LRRTM4: variants seen among roughly 807,000 people sequenced by gnomAD.
LRRTM4 encodes the protein leucine rich repeat transmembrane neuronal 4.
LRRTM4 carries 25 observed loss-of-function variants against 47.6 expected under a neutral mutation model. The ratio of observed to expected loss-of-function variants is 0.53; its 90% CI spans 0.38 to 0.73. The LOEUF (loss-of-function observed/expected upper bound fraction) is 0.73. Ranked by LOEUF, LRRTM4 falls within the 30% of genes least tolerant of loss-of-function variation. LRRTM4 has a pLI of 0.00. For missense variants in LRRTM4, 638 were observed against 713.4 expected, an observed-to-expected ratio of 0.89 and a Z score of 1.20; for synonymous variants, 311 against 269.5, an observed-to-expected ratio of 1.15 and a Z score of -1.51.
At chr2:77,206,127 G>C (rs1674118077) in intron 3 of LRRTM4, among the ~76,000 whole-genome samples, 1 of 150,936 alleles carries the variant, frequency 6.6e-6, no homozygotes, top group Non-Finnish European at 1.5e-5. Context: ...ACAGGCATGA[G>C]CCACCATGCC....
intron 3 of LRRTM4, among the ~76,000 whole-genome samples, chr2:76,845,169 C>T (rs1344614596): frequency 1.3e-5 from 2 of 152,078 alleles, no homozygotes; most frequent in Non-Finnish European, 2.9e-5. Context: ...GCATATGACA[C>T]AACTGCAAAA....
chr2:77,517,623 A>T (rs1558780001), intron 3 of LRRTM4: 10 of 984,672 alleles, frequency 1.0e-5, no homozygotes, highest in African/African-American at 1.7e-5. Context: ...TAAAAAACAA[A>T]CAAACAAACA....
intron 3 of LRRTM4, among the ~76,000 whole-genome samples, chr2:76,807,932 CCTTTCTTT>C (rs113802010): frequency 2.2e-4 from 27 of 123,082 alleles, no homozygotes; most frequent in Non-Finnish European, 3.1e-4. Flanking sequence ...TCTTTCCTTT[CCTTTCTTT>C]CTTTCTTTCT....
intron 3 of LRRTM4, among the ~76,000 whole-genome samples, chr2:77,034,435 A>T (rs1403874757): frequency 6.6e-6 from 1 of 151,944 alleles, no homozygotes. Flanking sequence ...ATTCCTAGAC[A>T]TAAATAGTTT....
intron 3 of LRRTM4, among the ~76,000 whole-genome samples, chr2:76,891,153 CA>C (rs1340729344): frequency 9.2e-5 from 14 of 151,690 alleles, no homozygotes; most frequent in African/African-American, 3.1e-4. Flanking sequence ...AAACGCAAAG[CA>C]AAAAGACACA....
chr2:77,284,969 T>C (rs1385944710), intron 3 of LRRTM4, among the ~76,000 whole-genome samples: 2 of 152,042 alleles, frequency 1.3e-5, no homozygotes, highest in African/African-American at 4.8e-5. Flanking sequence ...AGGTGAACCT[T>C]AAGTAGTTTA....
intron 3 of LRRTM4, among the ~76,000 whole-genome samples, chr2:77,421,628 AC>A (rs1387164001): frequency 6.6e-6 from 1 of 151,680 alleles, no homozygotes; most frequent in Non-Finnish European, 1.5e-5. Context: ...AATGGCGTGA[AC>A]CCGGGAGGCG....
intron 3 of LRRTM4, among the ~76,000 whole-genome samples, chr2:77,195,291 AATT>A (rs1673778898): frequency 6.6e-6 from 1 of 151,876 alleles, no homozygotes; most frequent in South Asian, 2.1e-4. Context: ...ATTCTTAATA[AATT>A]ATTAACATTA....
chr2:76,775,752 T>G (rs1673946178), intron 3 of LRRTM4, among the ~76,000 whole-genome samples: 1 of 152,152 alleles, frequency 6.6e-6, no homozygotes, highest in African/African-American at 2.4e-5. Flanking sequence ...TCTCTCTTTT[T>G]TTTAAATTTA....
At chr2:77,243,607 ATAGT>A (rs979387195) in intron 3 of LRRTM4, among the ~76,000 whole-genome samples, 5 of 151,904 alleles carry the variant, frequency 3.3e-5, no homozygotes, top group Non-Finnish European at 7.4e-5. Flanking sequence ...AGTTCTAGAG[ATAGT>A]TGGTAGAGAT....
chr2:77,214,560 A>G (rs1674384402), intron 3 of LRRTM4, among the ~76,000 whole-genome samples: 1 of 152,332 alleles, frequency 6.6e-6, no homozygotes, highest in African/African-American at 2.4e-5. Flanking sequence ...CATTTTCAAT[A>G]TAAAAAAGAG....
chr2:76,850,523 C>A (rs1671961742), intron 3 of LRRTM4, among the ~76,000 whole-genome samples: 1 of 152,162 alleles, frequency 6.6e-6, no homozygotes, highest in Admixed American at 6.6e-5. Context: ...ACATTATCCC[C>A]TGTTACTGCA....
At chr2:77,003,951 C>G (rs1206202199) in intron 3 of LRRTM4, among the ~76,000 whole-genome samples, 1 of 152,148 alleles carries the variant, frequency 6.6e-6, no homozygotes, top group Admixed American at 6.5e-5. Flanking sequence ...GGAGCTGGAA[C>G]AAAGGTCACT....
At position 76,975,625 on chromosome 2, in the gene LRRTM4, A is replaced by T. The variant is rs1310922073; in HGVS notation, c.1552-226709T>A. Among the ~76,000 whole-genome samples the T allele has an allele frequency of 6.6e-5, 10 of 151,696 alleles. No individual in the cohort carries two copies. In the Admixed American group the frequency reaches 6.6e-4, roughly 10 times the overall value. ...TAATCATACCTCCAACAGCCAGAAG[A>T]TGGTCATGAAGCCAAGGTTAGAAGT... On this transcript the variant is annotated intron_variant, in intron 3 of 3. Coordinates refer to ENST00000409884, the MANE Select transcript of LRRTM4 (RefSeq NM_001134745.3).
At chr2:77,003,607 C>A (rs1558791125) in intron 3 of LRRTM4, among the ~76,000 whole-genome samples, 1 of 152,266 alleles carries the variant, frequency 6.6e-6, no homozygotes, top group East Asian at 1.9e-4. Context: ...CCTTTCTTGC[C>A]ATGTAGAATT....
In LRRTM4 at chr2:76,807,489, T is replaced by C. The variant is rs182587500; in HGVS notation, c.1552-58573A>G. Among the ~76,000 whole-genome samples the C allele has an allele frequency of 1.1e-3, 155 of 137,448 alleles. 1 individual carries two copies. The highest frequency in any genetic ancestry group is 4.2e-3 in the Admixed American group (55 of 12,982). 90.2% of individuals were successfully genotyped at this position (137,448 alleles called of 152,430 possible). ...ATATATACATATATATATATATACA[T>C]ATATATATATATAGGCAAAGTTATA... On this transcript the variant is annotated intron_variant, in intron 3 of 3. Coordinates refer to ENST00000409884, the MANE Select transcript of LRRTM4 (RefSeq NM_001134745.3).
chr2:76,815,030 G>A (rs539294539), intron 3 of LRRTM4, among the ~76,000 whole-genome samples: 13 of 152,110 alleles, frequency 8.5e-5, no homozygotes, highest in East Asian at 1.9e-4. Context: ...GATGAGAAGC[G>A]GAGACGTGTG....
At chr2:77,415,434 A>G (rs1674599694) in intron 3 of LRRTM4, among the ~76,000 whole-genome samples, 1 of 152,174 alleles carries the variant, frequency 6.6e-6, no homozygotes, top group Non-Finnish European at 1.5e-5. Context: ...TTTTGTAACT[A>G]TCAAGATTTC....
chr2:77,052,150 C>CTTTTGTTT (rs1679454849), intron 3 of LRRTM4, among the ~76,000 whole-genome samples: 1 of 63,598 alleles, frequency 1.6e-5, no homozygotes, highest in African/African-American at 6.9e-5. Flanking sequence ...GTTACATTTC[C>CTTTTGTTT]TTTTTTTTTT....
Sources: allele counts gnomAD v4.1 joint callset (sites outside exome capture counted in the v4.1 genomes callset), GRCh38; gene constraint gnomAD v4.1.1; transcripts MANE v1.5; gene names NCBI Gene and HGNC (gene_info 2026-07-23, HGNC 2026-07-21).